Variants in GABBR2 observed in about 807,000 individuals in gnomAD.
GABBR2 encodes gamma-aminobutyric acid type B receptor subunit 2, also known as G-protein coupled receptor 51.
GABBR2 carries 23 observed loss-of-function variants against 105.6 expected under a neutral mutation model. That is an observed-to-expected ratio of 0.22 (90% confidence interval 0.16 to 0.31). The LOEUF is 0.31. Ranked by LOEUF, GABBR2 falls within the 10% of genes least tolerant of loss-of-function variation. The probability of loss-of-function intolerance (pLI) is 1.00; values close to 1 mark genes in which losing one functional copy is unlikely to be tolerated. For synonymous variants in GABBR2, 478 were observed against 499.7 expected, an observed-to-expected ratio of 0.96 and a Z score of 0.58; for missense variants, 734 against 1,245.5, an observed-to-expected ratio of 0.59 and a Z score of 6.18.
At chr9:98,351,144 TTC>T (rs532516660) in intron 13 of GABBR2, among the ~76,000 whole-genome samples, 47 of 149,354 alleles carry the variant, frequency 3.1e-4, no homozygotes, top group African/African-American at 1.1e-3. Flanking sequence ...AAAAGTGAGA[TTC>T]TTGTAGGCAG....
At chr9:98,332,555 CCAAAACCTTGTAT>C (rs1253878112) in intron 13 of GABBR2, among the ~76,000 whole-genome samples, 1 of 152,182 alleles carries the variant, frequency 6.6e-6, no homozygotes, top group Non-Finnish European at 1.5e-5. Flanking sequence ...AGAATCTGGT[CCAAAACCTTGTAT>C]CATTGTGTTT....
At chr9:98,653,662 T>C (rs1428350434) in intron 1 of GABBR2, among the ~76,000 whole-genome samples, 2 of 152,156 alleles carry the variant, frequency 1.3e-5, no homozygotes, top group Non-Finnish European at 2.9e-5. Context: ...CTGTCCCTAA[T>C]GGCTGTTAGC....
intron 1 of GABBR2, among the ~76,000 whole-genome samples, chr9:98,659,506 T>TTTTTC (rs1432272482): frequency 1.5e-5 from 2 of 132,432 alleles, no homozygotes; most frequent in South Asian, 2.4e-4. Flanking sequence ...TAAACAACCT[T>TTTTTC]TTTTCTTTTC....
intron 2 of GABBR2, chr9:98,556,043 T>C (rs1274528630): frequency 1.5e-5 from 2 of 137,872 alleles, no homozygotes; most frequent in Non-Finnish European, 3.4e-5. Context: ...ACAAAATGCC[T>C]TCACACTTGT....
At chr9:98,467,862 G>A (rs1439748789) in intron 6 of GABBR2, among the ~76,000 whole-genome samples, 3 of 152,256 alleles carry the variant, frequency 2.0e-5, no homozygotes, top group African/African-American at 7.2e-5. Context: ...AACAGGAGAA[G>A]AATGTCCCTA....
intron 4 of GABBR2, among the ~76,000 whole-genome samples, chr9:98,490,363 C>A (rs1428232703): frequency 1.3e-5 from 2 of 152,032 alleles, no homozygotes; most frequent in East Asian, 3.9e-4. Flanking sequence ...GCATAGGGTT[C>A]CTGATGGTGG....
intron 1 of GABBR2, among the ~76,000 whole-genome samples, chr9:98,685,123 G>A (rs1238750371): frequency 6.6e-6 from 1 of 152,226 alleles, no homozygotes; most frequent in African/African-American, 2.4e-5. Context: ...AAAGCAGGCA[G>A]AGGAAAATGG....
chr9:98,638,909 A>C (rs7038285), intron 1 of GABBR2, among the ~76,000 whole-genome samples: 13,924 of 152,254 alleles, frequency 0.091, 990 homozygotes, highest in African/African-American at 0.2. Context: ...ACACATAGAC[A>C]TGTAGTTAGG....
rs1422887194 is a variant in GABBR2 at position 98,431,558 on chromosome 9, A to G, written c.1236+22423T>C. On this transcript the variant is annotated intron_variant, in intron 7 of 18. Transcript: ENST00000259455. Reference sequence around the variant, plus strand: ...ATGCATGTGTGGGAGAGTAGCTAGTATGCCTCCTGGGTAAGAGCAGAATTC... The same window carrying G: ...ATGCATGTGTGGGAGAGTAGCTAGTGTGCCTCCTGGGTAAGAGCAGAATTC... Among the ~76,000 whole-genome samples, 4 of 152,280 alleles carry G rather than the reference A, an allele frequency of 2.6e-5. No homozygotes were observed. In the East Asian group the frequency reaches 7.7e-4, roughly 29 times the overall value.
At chr9:98,476,789 A>T (rs1826802883) in intron 5 of GABBR2, among the ~76,000 whole-genome samples, 1 of 152,050 alleles carries the variant, frequency 6.6e-6, no homozygotes, top group South Asian at 2.1e-4. Flanking sequence ...CTACACTGTC[A>T]TTTTTCACTA....
chr9:98,413,750 T>A (rs1046028407), intron 7 of GABBR2, among the ~76,000 whole-genome samples: 1 of 152,036 alleles, frequency 6.6e-6, no homozygotes, highest in Non-Finnish European at 1.5e-5. Context: ...CCACAAAGCA[T>A]GTGGTGGCCT....
At chr9:98,356,367 T>A (rs10985995) in intron 13 of GABBR2, among the ~76,000 whole-genome samples, 5,918 of 152,270 alleles carry the variant, frequency 0.039, 388 homozygotes, top group East Asian at 0.25. Context: ...TGCACAAAAG[T>A]TCTGAACAGT....
In GABBR2 at chr9:98,678,593, T is replaced by A. The variant is rs373505486; in HGVS notation, c.321+29824A>T. 1.3e-4 allele frequency among the ~76,000 whole-genome samples: 20 copies of A among 152,338 alleles called. 1 individual carries two copies. Among genetic ancestry groups the A allele is most frequent in the Middle Eastern group, 6.8e-3 (2 of 294 alleles). On this transcript the variant is annotated intron_variant, in intron 1 of 18. Coordinates refer to ENST00000259455, the MANE Select transcript of GABBR2 (RefSeq NM_005458.8). ...TTCCTAGTTGAGGCAAACATGATAC[T>A]AACCTCATCTGGAAAACGGGATGAA...
chr9:98,632,776 T>G (rs1401681390), intron 1 of GABBR2, among the ~76,000 whole-genome samples: 1 of 152,212 alleles, frequency 6.6e-6, no homozygotes, highest in African/African-American at 2.4e-5. Flanking sequence ...TCTGAATTTC[T>G]GATCCACAAA....
intron 7 of GABBR2, among the ~76,000 whole-genome samples, chr9:98,435,774 T>C (rs964665543): frequency 6.6e-6 from 1 of 152,176 alleles, no homozygotes; most frequent in African/African-American, 2.4e-5. Flanking sequence ...AGTTAGCTCC[T>C]ATTTGTTCTT....
chr9:98,649,127 T>A (rs1003124709), intron 1 of GABBR2, among the ~76,000 whole-genome samples: 1 of 152,192 alleles, frequency 6.6e-6, no homozygotes, highest in South Asian at 2.1e-4. Context: ...TCCTGATTCA[T>A]CTCTCAGTGA....
chr9:98,519,557 A>C (rs7860868), intron 3 of GABBR2, among the ~76,000 whole-genome samples: 5,848 of 152,352 alleles, frequency 0.038, 387 homozygotes, highest in African/African-American at 0.13. Flanking sequence ...CAAAAGGTAC[A>C]ATTATGACCA....
At chr9:98,337,789 A>G (rs1831141219) in intron 13 of GABBR2, among the ~76,000 whole-genome samples, 1 of 152,192 alleles carries the variant, frequency 6.6e-6, no homozygotes, top group African/African-American at 2.4e-5. Flanking sequence ...CTATAATCCC[A>G]GCACTTTGGG....
intron 9 of GABBR2, among the ~76,000 whole-genome samples, chr9:98,390,375 C>CAAA (rs61216428): frequency 0.011 from 352 of 32,436 alleles, 46 homozygotes; most frequent in Middle Eastern, 0.022. Flanking sequence ...CTCCATCTCA[C>CAAA]AAAAAAAAAA....
Sources: gnomAD v4.1 joint callset for allele counts (sites outside exome capture counted in the v4.1 genomes callset) on GRCh38, gnomAD v4.1.1 for gene constraint, MANE v1.5 for transcripts, NCBI Gene and HGNC (gene_info 2026-07-23, HGNC 2026-07-21) for gene names.